SP140L: variants seen among roughly 807,000 people sequenced by gnomAD.
SP140L encodes the protein SP140 like nuclear body protein.
A neutral mutation model predicts 84.3 loss-of-function variants in SP140L; 64 were observed. That is an observed-to-expected ratio of 0.76 (90% CI 0.62 to 0.94). The LOEUF (loss-of-function observed/expected upper bound fraction) is 0.94. Ranked by LOEUF, SP140L falls within the 40% of genes least tolerant of loss-of-function variation. The pLI, the probability that SP140L is intolerant of heterozygous loss-of-function variation, is 0.00. For synonymous variants in SP140L, 242 were observed against 236.9 expected (o/e 1.02, Z -0.20); for missense variants, 628 against 692.5 (o/e 0.91, Z 1.05).
intron 11 of SP140L, 74 bp downstream of exon 11, chr2:230,390,097 T>A (rs976555314): frequency 2.9e-5 from 39 of 1,335,602 alleles, no homozygotes; most frequent in Admixed American, 9.9e-5. Flanking sequence ...ATTATTTGTG[T>A]GAATTACACA....
intron 10 of SP140L, 21 bp downstream of exon 10, chr2:230,388,654 G>A (rs371872028): frequency 1.8e-5 from 28 of 1,577,602 alleles, no homozygotes; most frequent in Middle Eastern, 1.7e-4. Flanking sequence ...AAAGAGGAAT[G>A]CACTTTCAAT....
rs1327353269 is a variant in SP140L at position 230,401,688 on chromosome 2, A to T, written c.1525A>T (p.Lys509Ter). ...GATTAGAGAGGCGTGTCAAGGCCTG[A>T]AGGAGCCCATGTGGTTGGATAAAAT... ...YYIREACQGL[K>*]EPMWLDKIKK... Residue 509 changes from lysine (K) to a stop codon, truncating the protein, a stop_gained, in exon 18 of 19, where the codon AAG (lysine) becomes TAG (stop). Coordinates refer to ENST00000415673, the MANE Select transcript of SP140L (RefSeq NM_138402.6). LOFTEE classifies it high-confidence loss of function. 1.4e-6 allele frequency: 2 copies of T among 1,428,984 alleles called. No individual in the cohort carries two copies. Among genetic ancestry groups the T allele is most frequent in the African/African-American group, 1.5e-5 (1 of 66,272 alleles). The allele number at this position is 1,428,984 out of a possible 1,614,324, so 88.5% of individuals were successfully genotyped here.
At chr2:230,397,400 G>A (rs2062099309) in intron 14 of SP140L, among the ~76,000 whole-genome samples, 1 of 152,116 alleles carries the variant, frequency 6.6e-6, no homozygotes, top group African/African-American at 2.4e-5. Context: ...GTGCTGAGCT[G>A]GTTAGGACTG....
At position 230,354,848 on chromosome 2, in the gene SP140L, GGAAAGAAAGAAAGAAA is replaced by G. The variant is rs61603133; in HGVS notation, c.108-2923_108-2908del. 9.9e-3 allele frequency among the ~76,000 whole-genome samples: 1,082 copies of G among 108,886 alleles called. 7 individuals are homozygous for G. The highest frequency in any genetic ancestry group is 0.014 in the Middle Eastern group (3 of 220). The allele number at this position is 108,886 out of a possible 152,430, so 71.4% of individuals were successfully genotyped here. On this transcript the variant is annotated intron_variant, in intron 2 of 18. Transcript: ENST00000415673. ...AAGAAAGAGACAAGAAAGAAAGAAAGGAAAGAAAGAAAGAAAGAAAGAAAGAAAGAAAGAAAGAAAG... is the reference window on the plus strand; with the variant it reads ...AAGAAAGAGACAAGAAAGAAAGAAAGGAAAGAAAGAAAGAAAGAAAGAAAG...
At chr2:230,329,702 G>T (rs982171842) in intron 2 of SP140L, among the ~76,000 whole-genome samples, 1 of 152,196 alleles carries the variant, frequency 6.6e-6, no homozygotes. Flanking sequence ...TAAGTTTCCT[G>T]AGGCCTCCCC....
intron 2 of SP140L, among the ~76,000 whole-genome samples, chr2:230,351,058 G>C (rs946272646): frequency 3.3e-5 from 5 of 152,272 alleles, no homozygotes; most frequent in South Asian, 2.1e-4. Flanking sequence ...AAGAAATGGA[G>C]AGCATTGAAA....
chr2:230,390,636 G>A (rs1255213560), intron 11 of SP140L, among the ~76,000 whole-genome samples: 1 of 152,088 alleles, frequency 6.6e-6, no homozygotes, highest in Non-Finnish European at 1.5e-5. Context: ...TATCAGAATG[G>A]CCTTCATCTC....
At chr2:230,333,532 A>G (rs2059784439) in intron 2 of SP140L, among the ~76,000 whole-genome samples, 1 of 151,928 alleles carries the variant, frequency 6.6e-6, no homozygotes, top group Admixed American at 6.6e-5. Context: ...TCATCTCTTT[A>G]ATCCCTTGAT....
rs2062415342 is a variant in SP140L at position 230,402,801 on chromosome 2, A to G, written c.1648A>G (p.Lys550Glu). The G allele has an allele frequency of 6.2e-7, 1 of 1,611,176 alleles. No homozygotes were observed. The highest frequency in any genetic ancestry group is 1.7e-5 in the Admixed American group (1 of 59,354). ...TGTCTTTATTACTTTTTTCCAGTAT[A>G]AGGATTTTGGCCAAATGGGACTTAG... is the stretch of plus-strand genomic sequence containing the variant. ...FQNHRASYKY[K>E]DFGQMGLRLE... Residue 550 changes from lysine (K) to glutamate (E), a missense_variant, in exon 19 of 19, where the codon AAG becomes GAG. Transcript: ENST00000415673.
Position 230,396,149 on chromosome 2 carries a change from G to C in SP140L, c.1156-608G>C, listed in dbSNP as rs188853905. On this transcript the variant is annotated intron_variant, in intron 13 of 18. Coordinates refer to ENST00000415673, the MANE Select transcript of SP140L (RefSeq NM_138402.6). The stretch of plus-strand genomic sequence containing the variant: ...TATGCCTGAGGGCCCCTTGGAGTAA[G>C]AGGACAAGTAGAGCTTCTCTGACTT... Among the ~76,000 whole-genome samples, 11 of 152,330 alleles carry C rather than the reference G, an allele frequency of 7.2e-5. No homozygotes were observed. The East Asian group carries it at 1.9e-3, about 27-fold the overall frequency.
chr2:230,336,577 T>C (rs1049646449), intron 2 of SP140L, among the ~76,000 whole-genome samples: 2 of 152,220 alleles, frequency 1.3e-5, no homozygotes, highest in African/African-American at 4.8e-5. Flanking sequence ...TCAGATATTT[T>C]TTAATGTACT....
At chr2:230,396,052 G>A (rs1378687389) in intron 13 of SP140L, among the ~76,000 whole-genome samples, 1 of 152,168 alleles carries the variant, frequency 6.6e-6, no homozygotes, top group African/African-American at 2.4e-5. Flanking sequence ...TAGGCTGTGG[G>A]GGATAAATTC....
At chr2:230,381,343 A>G (rs1017357439) in intron 7 of SP140L, among the ~76,000 whole-genome samples, 26 of 152,188 alleles carry the variant, frequency 1.7e-4, no homozygotes, top group African/African-American at 5.8e-4. Context: ...TCTGGAGGCT[A>G]CATGATCTCT....
In SP140L at chr2:230,357,277, A is replaced by G. The variant is rs190519165; in HGVS notation, c.108-528A>G. ...TTCTCAATAATGTGGTATTATTATCATTATTAAACCACATTGTATTATTTA... is the reference window on the plus strand; with the variant it reads ...TTCTCAATAATGTGGTATTATTATCGTTATTAAACCACATTGTATTATTTA... On this transcript the variant is annotated intron_variant, in intron 2 of 18. Coordinates refer to ENST00000415673, the MANE Select transcript of SP140L (RefSeq NM_138402.6). Among the ~76,000 whole-genome samples the G allele has an allele frequency of 3.3e-4, 51 of 152,336 alleles. 1 individual carries two copies. Among genetic ancestry groups the G allele is most frequent in the Admixed American group, 2.9e-3 (45 of 15,302 alleles).
chr2:230,393,943 G>T (rs2061937793), intron 13 of SP140L, among the ~76,000 whole-genome samples: 1 of 152,152 alleles, frequency 6.6e-6, no homozygotes, highest in South Asian at 2.1e-4. Flanking sequence ...ATCATTTCAT[G>T]AAATAGGTAA....
intron 4 of SP140L, among the ~76,000 whole-genome samples, chr2:230,359,991 G>GT (rs1274167276): frequency 3.3e-5 from 5 of 151,720 alleles, no homozygotes; most frequent in South Asian, 2.1e-4. Flanking sequence ...CTAAAGTTTT[G>GT]ATTCTTGACT....
chr2:230,367,585 C>T (rs1243410438), intron 5 of SP140L, among the ~76,000 whole-genome samples: 2 of 152,174 alleles, frequency 1.3e-5, no homozygotes, highest in Non-Finnish European at 1.5e-5. Flanking sequence ...TGAGCCACTG[C>T]ACCCAGTCTC....
intron 5 of SP140L, among the ~76,000 whole-genome samples, chr2:230,362,733 C>G (rs191880546): frequency 6.6e-6 from 1 of 152,132 alleles, no homozygotes; most frequent in Non-Finnish European, 1.5e-5. Context: ...AAACCACTTA[C>G]GAAGTTTGCC....
intron 5 of SP140L, among the ~76,000 whole-genome samples, chr2:230,365,318 A>G (rs1469008941): frequency 1.3e-5 from 2 of 152,012 alleles, no homozygotes; most frequent in African/African-American, 4.8e-5. Flanking sequence ...ATTCTGGATT[A>G]CATCTCCTTA....
Sources: allele counts gnomAD v4.1 joint callset (sites outside exome capture counted in the v4.1 genomes callset), GRCh38; gene constraint gnomAD v4.1.1; transcripts MANE v1.5; gene names NCBI Gene and HGNC (gene_info 2026-07-23, HGNC 2026-07-21).